DMKN: variants seen among roughly 807,000 people sequenced by gnomAD.
The protein encoded by DMKN is epidermis-specific secreted protein SK30/SK89.
A neutral mutation model predicts 67.6 loss-of-function variants in DMKN; 58 were observed. That is an observed-to-expected ratio of 0.86 (90% CI 0.69 to 1.07). The LOEUF (loss-of-function observed/expected upper bound fraction) is 1.07. Among genes scored for constraint, DMKN ranks in the 50% least tolerant of loss-of-function variants. The probability of loss-of-function intolerance (pLI) is 0.00; values close to 1 mark genes in which losing one functional copy is unlikely to be tolerated. For missense variants in DMKN, 596 were observed against 601.5 expected (o/e 0.99, Z 0.10); for synonymous variants, 240 against 232.3 (o/e 1.03, Z -0.30).
At chr19:35,501,850 C>G in intron 11 of DMKN, 1 of 1,582,738 alleles carries the variant, frequency 6.3e-7, no homozygotes, top group Non-Finnish European at 8.6e-7. Flanking sequence ...GGGTCCAGGC[C>G]AGGCCCAGCA....
rs762286315 is a variant in DMKN, at chr19:35,509,906, C to G, written c.1038+5G>C. 8.1e-5 allele frequency: 130 copies of G among 1,614,118 alleles called. No individual in the cohort carries two copies. The highest frequency in any genetic ancestry group is 1.0e-4 in the Non-Finnish European group (119 of 1,180,048). On this transcript the variant is annotated splice_donor_5th_base_variant and intron_variant, in intron 7 of 15. Coordinates refer to ENST00000339686, the MANE Select transcript of DMKN (RefSeq NM_033317.5). Reference sequence around the variant, plus strand: ...CCAGGAGACTTAAGAGACTTTGGCTCTCACCTGAATCCCAGATTCCCCGCT... The same window carrying G: ...CCAGGAGACTTAAGAGACTTTGGCTGTCACCTGAATCCCAGATTCCCCGCT...
intron 9 of DMKN, among the ~76,000 whole-genome samples, chr19:35,505,484 C>A (rs2069281907): frequency 6.6e-6 from 1 of 152,180 alleles, no homozygotes; most frequent in African/African-American, 2.4e-5. Context: ...TATGCTGAAA[C>A]AGCAAAGAAG....
At position 35,512,489 on chromosome 19, in the gene DMKN, G is replaced by A; in HGVS notation, c.628-12C>T. On this transcript the variant is annotated splice_polypyrimidine_tract_variant and intron_variant, in intron 2 of 15. Coordinates refer to ENST00000339686, the MANE Select transcript of DMKN (RefSeq NM_033317.5). ...TGGGCCACAGCTCCCTGCAGAGAGGGTGAGACTGAGAGTAGGATCCAGAGG... is the reference window on the plus strand; with the variant it reads ...TGGGCCACAGCTCCCTGCAGAGAGGATGAGACTGAGAGTAGGATCCAGAGG... The A allele has an allele frequency of 6.2e-7, 1 of 1,614,214 alleles. No individual in the cohort carries two copies. Among genetic ancestry groups the A allele is most frequent in the Non-Finnish European group, 8.5e-7 (1 of 1,180,036 alleles).
chr19:35,512,504 G>A (rs2071015453), intron 2 of DMKN, 27 bp from the exon 3 acceptor site: 2 of 1,614,188 alleles, frequency 1.2e-6, no homozygotes, highest in Non-Finnish European at 1.7e-6. Context: ...ACTGAGAGTA[G>A]GATCCAGAGG....
In DMKN at chr19:35,511,584, C is replaced by T. The variant is rs751744249; in HGVS notation, c.745G>A (p.Gly249Ser). ...GGSSNSGGGS[G>S]SQSGSSGSGS... ...CTGCCACTGCTGCCCGACTGTGAGC[C>T]GCTGCCTCCCTGAGGGGCAGGAAGG... Residue 249 changes from glycine to serine, a missense_variant, in exon 5 of 16, where the codon GGC becomes AGC. By Grantham distance (56) the Gly-to-Ser change is moderately conservative. Coordinates refer to ENST00000339686, the MANE Select transcript of DMKN (RefSeq NM_033317.5). The T allele has an allele frequency of 8.7e-6, 14 of 1,610,942 alleles. No individual in the cohort carries two copies. The highest frequency in any genetic ancestry group is 5.4e-5 in the African/African-American group (4 of 74,626).
chr19:35,503,515 G>T, intron 9 of DMKN: 1 of 1,526,576 alleles, frequency 6.6e-7, no homozygotes. Flanking sequence ...TCGCTCTGTC[G>T]CCCAGGCTGG....
At position 35,512,794 on chromosome 19, in the gene DMKN, C is replaced by A. The variant is rs1218574325; in HGVS notation, c.427-4G>T. The A allele has an allele frequency of 6.2e-7, 1 of 1,612,104 alleles. No individual in the cohort carries two copies. Among genetic ancestry groups the A allele is most frequent in the Admixed American group, 1.7e-5 (1 of 59,970 alleles). On this transcript the variant is annotated splice_polypyrimidine_tract_variant and splice_region_variant and intron_variant, in intron 1 of 15. Transcript: ENST00000339686. ...TGCCATGGCCTCCAGAAGTTTCCTG[C>A]AAGAACAACATACCTGCACTTAGTG...
chr19:35,500,421 T>C (rs1173283964), intron 12 of DMKN, 112 bp downstream of exon 12: 1 of 1,552,724 alleles, frequency 6.4e-7, no homozygotes, highest in Non-Finnish European at 8.7e-7. Flanking sequence ...TGCACCCGGC[T>C]GAGAAAGCCA....
At chr19:35,510,135 T>G in intron 6 of DMKN, 49 bp downstream of exon 6, 1 of 1,575,762 alleles carries the variant, frequency 6.3e-7, no homozygotes, top group Non-Finnish European at 8.6e-7. Context: ...AACCAGCTGC[T>G]CTCCTTTTCC....
chr19:35,505,633 C>T lies in DMKN; in HGVS notation c.1134+85G>A, dbSNP rs181136025. On this transcript the variant is annotated intron_variant, in intron 9 of 15. Transcript: ENST00000339686. ...CTGGCCTAAATGCTTCCTCAGTGGC[C>T]AGCATCACTGTTTCCCCAGCTCACA... 10 of 1,571,306 alleles carry T rather than the reference C, an allele frequency of 6.4e-6. No individual in the cohort carries two copies. The East Asian group carries it at 1.3e-4, about 21-fold the overall frequency.
In DMKN at chr19:35,502,114, TGAG is replaced by T; in HGVS notation, c.1239+19_1239+21del. On this transcript the variant is annotated intron_variant, in intron 11 of 15. Coordinates refer to ENST00000339686, the MANE Select transcript of DMKN (RefSeq NM_033317.5). ...GGCCCCGAACCCTGTGTCCCAGAGC[TGAG>T]AAGTCCTGCCCCCCTTACCTCAATA... The T allele has an allele frequency of 6.2e-7, 1 of 1,614,100 alleles. No homozygotes were observed. Among genetic ancestry groups the T allele is most frequent in the Non-Finnish European group, 8.5e-7 (1 of 1,180,012 alleles).
chr19:35,503,385 G>A (rs1446038929), intron 9 of DMKN: 1 of 1,551,384 alleles, frequency 6.4e-7, no homozygotes, highest in Non-Finnish European at 8.7e-7. Context: ...GGAGTGTGGG[G>A]GCTCCCATCC....
chr19:35,512,392 T>C, intron 3 of DMKN, 29 bp downstream of exon 3: 1 of 1,612,202 alleles, frequency 6.2e-7, no homozygotes, highest in Non-Finnish European at 8.5e-7. Context: ...CAGTGGCTTC[T>C]TCATTTGTTC....
At chr19:35,510,611 G>T (rs1034156293) in intron 5 of DMKN, 9 of 1,445,916 alleles carry the variant, frequency 6.2e-6, no homozygotes, top group Non-Finnish European at 7.3e-6. Flanking sequence ...AGCGGCCGTA[G>T]CTGCCTTGGT....
rs760741768 is a variant in DMKN at position 35,511,741 on chromosome 19, T to C, written c.735+22A>G. 23 of 1,609,792 alleles carry C rather than the reference T, an allele frequency of 1.4e-5. No individual in the cohort carries two copies. In the South Asian group the frequency reaches 2.5e-4, roughly 18 times the overall value. The stretch of plus-strand genomic sequence containing the variant: ...CCATTTCCTCCTGGTGCACAACTCC[T>C]GGGTTGCCCCTCTCCACTCACCCCA... On this transcript the variant is annotated intron_variant, in intron 4 of 15. Coordinates refer to ENST00000339686, the MANE Select transcript of DMKN (RefSeq NM_033317.5).
At position 35,511,456 on chromosome 19, in the gene DMKN, G is replaced by GCCACTGCTGCCA; in HGVS notation, c.861_872dup (p.Gly288_Gly291dup). On this transcript the variant is annotated inframe_insertion, in exon 5 of 16. Coordinates refer to ENST00000339686, the MANE Select transcript of DMKN (RefSeq NM_033317.5). ...TGTCACCTCTGCTGCCACCACTGTTGCCACTGCTGCCACCACTGCTGCCGC... is the reference window on the plus strand; with the variant it reads ...TGTCACCTCTGCTGCCACCACTGTTGCCACTGCTGCCACCACTGCTGCCACCACTGCTGCCGC... 2.2e-5 allele frequency: 34 copies of GCCACTGCTGCCA among 1,554,698 alleles called. No homozygotes were observed. In the African/African-American group the frequency reaches 3.4e-4, roughly 16 times the overall value.
At chr19:35,511,965 T>G in intron 3 of DMKN, 152 bp from the exon 4 acceptor site, 12 of 610,452 alleles carry the variant, frequency 2.0e-5, no homozygotes, top group Middle Eastern at 4.5e-4. Context: ...ATCTGCCTCC[T>G]CCCCAGGCCC....
intron 3 of DMKN, among the ~76,000 whole-genome samples, 179 bp downstream of exon 3, chr19:35,512,242 C>T (rs988259442): frequency 1.3e-5 from 2 of 152,088 alleles, no homozygotes; most frequent in Admixed American, 6.5e-5. Flanking sequence ...AGGTGATCCA[C>T]GTGCCTTGGC....
chr19:35,499,012 C>T (rs1421495884), intron 13 of DMKN, 115 bp from the exon 14 acceptor site: 5 of 1,462,232 alleles, frequency 3.4e-6, no homozygotes, highest in East Asian at 2.3e-5. Flanking sequence ...AGGGCTATCA[C>T]CAAGGTTTTC....
Sources: gnomAD v4.1 joint callset for allele counts (sites outside exome capture counted in the v4.1 genomes callset) on GRCh38, gnomAD v4.1.1 for gene constraint, MANE v1.5 for transcripts, NCBI Gene and HGNC (gene_info 2026-07-23, HGNC 2026-07-21) for gene names.